Variants in TRABD2B observed in about 807,000 individuals in gnomAD.
The protein encoded by TRABD2B is metalloprotease TIKI2.
Under a neutral mutation model 40.1 loss-of-function variants are expected in TRABD2B, and 14 were observed. That is an observed-to-expected ratio of 0.35 (90% CI 0.23 to 0.55). The LOEUF is 0.55. Ranked by LOEUF, TRABD2B falls within the 20% of genes least tolerant of loss-of-function variation. The pLI is 0.90. For synonymous variants in TRABD2B, 263 were observed against 277.0 expected (o/e 0.95, Z 0.50); for missense variants, 541 against 648.6 (o/e 0.83, Z 1.80).
Position 47,766,153 on chromosome 1 carries a change from C to T in TRABD2B, c.1350-47G>A, listed in dbSNP as rs1241844663. 5.7e-6 allele frequency: 4 copies of T among 699,548 alleles called. No homozygotes were observed. The South Asian group carries it at 6.0e-5, about 10-fold the overall frequency. 43.3% of individuals were successfully genotyped at this position (699,548 alleles called of 1,614,324 possible). ...GCAGAGTCACCATCGGCAGCCTCGT[C>T]CTGGGCAGAAGCCTTGGGGCTCAGA... is the stretch of plus-strand genomic sequence containing the variant. On this transcript the variant is annotated intron_variant, in intron 6 of 6. Transcript: ENST00000606738.
intron 2 of TRABD2B, among the ~76,000 whole-genome samples, chr1:47,932,132 A>C (rs1231480944): frequency 6.6e-6 from 1 of 152,228 alleles, no homozygotes; most frequent in Non-Finnish European, 1.5e-5. Context: ...GAAGAGTTGC[A>C]GAGTGAACAC....
intron 2 of TRABD2B, among the ~76,000 whole-genome samples, chr1:47,946,054 G>A (rs1235506303): frequency 6.6e-6 from 1 of 152,196 alleles, no homozygotes; most frequent in Non-Finnish European, 1.5e-5. Context: ...ATCAACCCTT[G>A]CTATTATCGG....
intron 2 of TRABD2B, among the ~76,000 whole-genome samples, chr1:47,946,891 A>C (rs1471878738): frequency 6.6e-6 from 1 of 151,660 alleles, no homozygotes; most frequent in Non-Finnish European, 1.5e-5. Context: ...CAATTGTGCT[A>C]CACACAATAG....
chr1:47,896,277 G>C (rs1174020682), intron 2 of TRABD2B, among the ~76,000 whole-genome samples: 1 of 152,224 alleles, frequency 6.6e-6, no homozygotes, highest in African/African-American at 2.4e-5. Flanking sequence ...AGAGGGAAGA[G>C]AGGATGAGGA....
At chr1:47,928,822 A>G (rs1389132306) in intron 2 of TRABD2B, among the ~76,000 whole-genome samples, 2 of 152,120 alleles carry the variant, frequency 1.3e-5, no homozygotes, top group Non-Finnish European at 2.9e-5. Flanking sequence ...CCTCATTTTC[A>G]CATGTCTGGA....
At chr1:47,795,063 G>A (rs72892312) in intron 3 of TRABD2B, among the ~76,000 whole-genome samples, 3,467 of 152,316 alleles carry the variant, frequency 0.023, 135 homozygotes, top group African/African-American at 0.078. Context: ...GAGCCACTGC[G>A]CATGACCTGC....
intron 2 of TRABD2B, among the ~76,000 whole-genome samples, chr1:47,959,071 C>T (rs921621181): frequency 2.6e-5 from 4 of 152,148 alleles, no homozygotes; most frequent in African/African-American, 7.2e-5. Context: ...CTCAAAACTG[C>T]TCAACTACAT....
intron 2 of TRABD2B, among the ~76,000 whole-genome samples, chr1:47,976,648 G>A (rs1168116150): frequency 6.6e-5 from 10 of 152,184 alleles, no homozygotes. Flanking sequence ...AAATTCAAGG[G>A]AGTGATTTGC....
At chr1:47,917,555 T>C (rs1644846761) in intron 2 of TRABD2B, among the ~76,000 whole-genome samples, 1 of 151,558 alleles carries the variant, frequency 6.6e-6, no homozygotes, top group African/African-American at 2.4e-5. Context: ...GCCTTGTGTC[T>C]ATAAAAAATA....
chr1:47,937,074 ATC>A, intron 2 of TRABD2B, among the ~76,000 whole-genome samples: 1 of 151,354 alleles, frequency 6.6e-6, no homozygotes, highest in African/African-American at 2.4e-5. Flanking sequence ...CATTATCACC[ATC>A]ATCATCACCA....
intron 2 of TRABD2B, among the ~76,000 whole-genome samples, chr1:47,914,393 G>A (rs1026423319): frequency 3.9e-5 from 6 of 152,246 alleles, no homozygotes; most frequent in African/African-American, 9.6e-5. Flanking sequence ...CTACCGTCCT[G>A]GTGACCTGGA....
intron 2 of TRABD2B, among the ~76,000 whole-genome samples, chr1:47,930,358 T>C (rs1450161580): frequency 6.6e-6 from 1 of 152,202 alleles, no homozygotes; most frequent in Non-Finnish European, 1.5e-5. Context: ...GGGGTTTCTC[T>C]GGGCATCTGG....
At chr1:47,799,950 C>G (rs907389824) in intron 3 of TRABD2B, among the ~76,000 whole-genome samples, 6 of 152,208 alleles carry the variant, frequency 3.9e-5, no homozygotes, top group African/African-American at 1.4e-4. Flanking sequence ...CCCCATCTTC[C>G]CTATGTGACT....
chr1:47,830,862 T>C (rs1645238699), intron 2 of TRABD2B, among the ~76,000 whole-genome samples: 1 of 152,188 alleles, frequency 6.6e-6, no homozygotes, highest in African/African-American at 2.4e-5. Flanking sequence ...CTCTGTTCTC[T>C]GTATTATATA....
chr1:47,807,972 A>G (rs1454513405), intron 2 of TRABD2B, among the ~76,000 whole-genome samples: 1 of 152,318 alleles, frequency 6.6e-6, no homozygotes, highest in East Asian at 1.9e-4. Context: ...GGTTAATTTT[A>G]TGTGTCAACT....
In TRABD2B at chr1:47,764,444, G is replaced by T. The variant is rs1348158892; in HGVS notation, c.*1458C>A. ...CCTCTGTCTCCTCAACCACCACCTT[G>T]AGGAGCCGAGGGGCTAAAGTCTCTC... On this transcript the variant is annotated 3_prime_UTR_variant, in exon 7 of 7. Coordinates refer to ENST00000606738, the MANE Select transcript of TRABD2B (RefSeq NM_001194986.2). The T allele has an allele frequency of 1.3e-5, 2 of 152,182 alleles. No homozygotes were observed. Among genetic ancestry groups the T allele is most frequent in the African/African-American group, 4.8e-5 (2 of 41,416 alleles). 9.4% of individuals were successfully genotyped at this position (152,182 alleles called of 1,614,324 possible).
chr1:47,900,096 T>A (rs1481513230), intron 2 of TRABD2B, among the ~76,000 whole-genome samples: 1 of 152,238 alleles, frequency 6.6e-6, no homozygotes, highest in African/African-American at 2.4e-5. Flanking sequence ...ACCTCCCTAA[T>A]AAATATACAT....
Position 47,775,419 on chromosome 1 carries a change from G to T in TRABD2B, c.1100C>A (p.Ala367Glu), listed in dbSNP as rs146196345. 29,244 of 1,235,440 alleles carry T rather than the reference G, an allele frequency of 0.024. 422 individuals are homozygous for T. The highest frequency in any genetic ancestry group is 0.028 in the Non-Finnish European group (27,301 of 988,692). The allele number at this position is 1,235,440 out of a possible 1,614,324, so 76.5% of individuals were successfully genotyped here. A position where few individuals can be genotyped will look rare whatever the true frequency, so the allele number is the denominator to read the frequency against. The change falls in exon 6 of 7, where the codon GCG becomes GAG. Residue 367 changes from alanine (A) to glutamate (E), a missense_variant. By Grantham distance (107) the Ala-to-Glu change is moderately radical. Transcript: ENST00000606738. The part of the protein sequence containing the change: ...AIHSPAPQSP[A>E]PSPEGTSTSP... Reference sequence around the variant, plus strand: ...CGTCGAGGTCCCCTCAGGAGAGGGCGCTGGGCTCTGGGGGGCAGGGCTGGA... The same window carrying T: ...CGTCGAGGTCCCCTCAGGAGAGGGCTCTGGGCTCTGGGGGGCAGGGCTGGA...
chr1:47,981,265 C>T (rs920824310), intron 2 of TRABD2B, among the ~76,000 whole-genome samples: 12 of 152,162 alleles, frequency 7.9e-5, no homozygotes, highest in African/African-American at 2.9e-4. Context: ...CCACCCACCT[C>T]GGCCTCCCAA....
Sources: gnomAD v4.1 joint callset for allele counts (sites outside exome capture counted in the v4.1 genomes callset) on GRCh38, gnomAD v4.1.1 for gene constraint, MANE v1.5 for transcripts, NCBI Gene and HGNC (gene_info 2026-07-23, HGNC 2026-07-21) for gene names.